Variants in RERE observed in about 807,000 individuals in gnomAD.
RERE encodes arginine-glutamic acid dipeptide repeats protein.
A neutral mutation model predicts 146.1 loss-of-function variants in RERE; 40 were observed. That is an observed-to-expected ratio of 0.27 (90% CI 0.21 to 0.36). The LOEUF (loss-of-function observed/expected upper bound fraction) is 0.36, where lower values mean the gene tolerates loss of function less well. Ranked by LOEUF, RERE falls within the 10% of genes least tolerant of loss-of-function variation. The pLI, the probability that RERE is intolerant of heterozygous loss-of-function variation, is 1.00. For missense variants in RERE, 1,933 were observed against 2,138.7 expected (o/e 0.90, Z 1.90); for synonymous variants, 1,003 against 866.0 (o/e 1.16, Z -2.78).
In RERE at chr1:8,453,261, A is replaced by T. The variant is rs570427594; in HGVS notation, c.1203+12664T>A. 4.6e-5 allele frequency among the ~76,000 whole-genome samples: 7 copies of T among 152,318 alleles called. No homozygotes were observed. The East Asian group carries it at 1.3e-3, about 29-fold the overall frequency. On this transcript the variant is annotated intron_variant, in intron 11 of 22. Coordinates refer to ENST00000400908, the MANE Select transcript of RERE (RefSeq NM_001042681.2). The stretch of plus-strand genomic sequence containing the variant: ...AATTTTCTACTTTTGTTATTGCTAA[A>T]GGACTGGAGAATTTCATTTCCATGG...
intron 11 of RERE, among the ~76,000 whole-genome samples, chr1:8,424,478 T>C (rs1424228465): frequency 2.0e-5 from 3 of 152,236 alleles, no homozygotes; most frequent in African/African-American, 7.2e-5. Context: ...CATTGTCAAT[T>C]TTCAATATAA....
At chr1:8,608,893 G>C (rs543217467) in intron 4 of RERE, among the ~76,000 whole-genome samples, 1 of 152,252 alleles carries the variant, frequency 6.6e-6, no homozygotes, top group Admixed American at 6.5e-5. Context: ...GACCAGCCTG[G>C]CCAACATGGT....
intron 10 of RERE, among the ~76,000 whole-genome samples, chr1:8,488,539 C>T (rs1644935602): frequency 6.6e-6 from 1 of 152,128 alleles, no homozygotes; most frequent in East Asian, 1.9e-4. Context: ...AGCCACTGCG[C>T]CTGCAAGACT....
intron 6 of RERE, among the ~76,000 whole-genome samples, chr1:8,549,902 G>A (rs534602968): frequency 1.3e-5 from 2 of 152,182 alleles, no homozygotes; most frequent in African/African-American, 2.4e-5. Context: ...ACCAAGGAAG[G>A]TCATGAATGG....
At chr1:8,527,427 A>G (rs1385688481) in intron 7 of RERE, among the ~76,000 whole-genome samples, 1 of 152,196 alleles carries the variant, frequency 6.6e-6, no homozygotes, top group East Asian at 1.9e-4. Context: ...TTTCCTCCCA[A>G]AAGTGTATAT....
intron 1 of RERE, among the ~76,000 whole-genome samples, chr1:8,680,041 T>C (rs1638928576): frequency 6.6e-6 from 1 of 152,164 alleles, no homozygotes; most frequent in African/African-American, 2.4e-5. Context: ...CATCATGGAA[T>C]AGCTGTTTTC....
At chr1:8,734,780 C>G (rs545169557) in intron 1 of RERE, among the ~76,000 whole-genome samples, 16 of 152,324 alleles carry the variant, frequency 1.1e-4, no homozygotes, top group African/African-American at 3.8e-4. Flanking sequence ...TTATGAACTA[C>G]TGGAATTTTC....
chr1:8,700,404 G>A (rs962795176), intron 1 of RERE, among the ~76,000 whole-genome samples: 1 of 151,978 alleles, frequency 6.6e-6, no homozygotes, highest in Non-Finnish European at 1.5e-5. Flanking sequence ...CCAGACCACT[G>A]AGAACCCATG....
chr1:8,736,959 G>C (rs754807134), intron 1 of RERE, among the ~76,000 whole-genome samples: 1 of 149,940 alleles, frequency 6.7e-6, no homozygotes, highest in Non-Finnish European at 1.5e-5. Context: ...AGCCAATAAA[G>C]AATGGTTTAA....
chr1:8,487,199 A>T (rs1644913266), intron 10 of RERE, among the ~76,000 whole-genome samples: 1 of 152,236 alleles, frequency 6.6e-6, no homozygotes, highest in South Asian at 2.1e-4. Context: ...ATGCAGAAGG[A>T]AAAACAAAGC....
rs546167211 is a variant in RERE at position 8,777,388 on chromosome 1, C to T, written c.-145+39772G>A. 5.3e-5 allele frequency among the ~76,000 whole-genome samples: 8 copies of T among 152,022 alleles called. No individual in the cohort carries two copies. In the South Asian group the frequency reaches 1.0e-3, roughly 20 times the overall value. On this transcript the variant is annotated intron_variant, in intron 1 of 22. Transcript: ENST00000400908. ...AGGGAGAAAGAACAAAGAGAATACC[C>T]AAGCCTAGGTTTAATTTTTATAACT... is the stretch of plus-strand genomic sequence containing the variant.
Position 8,516,227 on chromosome 1 carries a change from G to GA in RERE, c.831-7553dup, listed in dbSNP as rs58064164. 1.6e-3 allele frequency among the ~76,000 whole-genome samples: 82 copies of GA among 52,298 alleles called. 2 individuals carry two copies. The highest frequency in any genetic ancestry group is 2.3e-3 in the South Asian group (3 of 1,314). 34.3% of individuals were successfully genotyped at this position (52,298 alleles called of 152,430 possible). A position where few individuals can be genotyped will look rare whatever the true frequency, so the allele number is the denominator to read the frequency against. On this transcript the variant is annotated intron_variant, in intron 7 of 22. Coordinates refer to ENST00000400908, the MANE Select transcript of RERE (RefSeq NM_001042681.2). ...GGGACGGAGCAAGACTCTCTCAGAGGAAAAAAAAAAAAAAAAAAAAAATCT... is the reference window on the plus strand; with the variant it reads ...GGGACGGAGCAAGACTCTCTCAGAGGAAAAAAAAAAAAAAAAAAAAAAATCT...
chr1:8,787,042 G>A, intron 1 of RERE: 2 of 547,350 alleles, frequency 3.7e-6, no homozygotes, highest in Non-Finnish European at 6.5e-6. Context: ...AAACCTTCCA[G>A]TGGCATTATA....
At chr1:8,571,621 A>C (rs1570454046) in intron 4 of RERE, among the ~76,000 whole-genome samples, 2 of 152,338 alleles carry the variant, frequency 1.3e-5, no homozygotes, top group African/African-American at 2.4e-5. Flanking sequence ...TAAATATCTT[A>C]ATTATTTCTT....
intron 11 of RERE, among the ~76,000 whole-genome samples, chr1:8,457,532 T>C (rs967179691): frequency 6.6e-6 from 1 of 152,178 alleles, no homozygotes; most frequent in African/African-American, 2.4e-5. Flanking sequence ...CTAGTGAAGA[T>C]GGCAATTAGG....
chr1:8,611,750 T>C (rs1054581204), intron 4 of RERE, among the ~76,000 whole-genome samples: 1 of 152,170 alleles, frequency 6.6e-6, no homozygotes, highest in African/African-American at 2.4e-5. Flanking sequence ...ACAATGGAGA[T>C]AAATGTGCAC....
intron 6 of RERE, among the ~76,000 whole-genome samples, chr1:8,549,308 T>A (rs760003670): frequency 1.3e-5 from 2 of 152,046 alleles, no homozygotes; most frequent in Non-Finnish European, 2.9e-5. Flanking sequence ...CTCAAAAAAA[T>A]ACAGAAGTTT....
intron 6 of RERE, among the ~76,000 whole-genome samples, chr1:8,546,306 T>TA (rs1249144473): frequency 2.2e-5 from 1 of 45,212 alleles, no homozygotes; most frequent in Non-Finnish European, 4.5e-5. Flanking sequence ...AAAATAAAAA[T>TA]AAATAAAAAT....
intron 1 of RERE, among the ~76,000 whole-genome samples, chr1:8,801,124 T>C (rs138401435): frequency 1.7e-3 from 262 of 151,750 alleles, no homozygotes; most frequent in Non-Finnish European, 3.0e-3. Flanking sequence ...CCAGGTGTGG[T>C]AGTGCATTCC....
Sources: gnomAD v4.1 joint callset for allele counts (sites outside exome capture counted in the v4.1 genomes callset) on GRCh38, gnomAD v4.1.1 for gene constraint, MANE v1.5 for transcripts, NCBI Gene and HGNC (gene_info 2026-07-23, HGNC 2026-07-21) for gene names.